GFOD2: variants seen among roughly 807,000 people sequenced by gnomAD.
The protein encoded by GFOD2 is glucose-fructose oxidoreductase domain-containing protein 2.
A neutral mutation model predicts 24.6 loss-of-function variants in GFOD2; 9 were observed. That is an observed-to-expected ratio of 0.37 (90% CI 0.22 to 0.64). The LOEUF (loss-of-function observed/expected upper bound fraction) is 0.64. Ranked by LOEUF, GFOD2 falls within the 30% of genes least tolerant of loss-of-function variation. The pLI is 0.65. For missense variants in GFOD2, 476 were observed against 532.5 expected, an observed-to-expected ratio of 0.89 and a Z score of 1.04; for synonymous variants, 211 against 224.8, an observed-to-expected ratio of 0.94 and a Z score of 0.55.
chr16:67,700,498 G>A (rs1358451841), intron 1 of GFOD2, among the ~76,000 whole-genome samples: 1 of 152,180 alleles, frequency 6.6e-6, no homozygotes, highest in Non-Finnish European at 1.5e-5. Flanking sequence ...GCTCACCTGA[G>A]GTCAGGAGTT....
chr16:67,680,997 C>T (rs1176320441), intron 2 of GFOD2: 12 of 985,294 alleles, frequency 1.2e-5, no homozygotes, highest in East Asian at 1.1e-4. Context: ...GCACGGGGCC[C>T]GGCAGGGAGA....
chr16:67,676,162 ATTT>A, intron 2 of GFOD2, 109 bp from the exon 3 acceptor site: 4 of 1,107,954 alleles, frequency 3.6e-6, no homozygotes, highest in Non-Finnish European at 3.8e-6. Flanking sequence ...GCACGAACTA[ATTT>A]TTTTTTCTTT....
chr16:67,678,618 A>T (rs1343084472), intron 2 of GFOD2, among the ~76,000 whole-genome samples: 1 of 152,198 alleles, frequency 6.6e-6, no homozygotes, highest in Admixed American at 6.5e-5. Context: ...CCTGTGCTCA[A>T]ATCTTGGCTC....
chr16:67,712,302 T>C (rs867798661), intron 1 of GFOD2, among the ~76,000 whole-genome samples: 721 of 70,382 alleles, frequency 0.01, 6 homozygotes, highest in African/African-American at 0.037. Context: ...CCTCCCCCTC[T>C]CCCTCTCCCT....
chr16:67,683,118 G>T, intron 2 of GFOD2: 1 of 743,812 alleles, frequency 1.3e-6, no homozygotes, highest in Non-Finnish European at 1.6e-6. Context: ...GTGCCACCAT[G>T]CCTGGCTAAT....
chr16:67,698,748 G>C (rs2053376965), intron 1 of GFOD2, among the ~76,000 whole-genome samples: 2 of 152,226 alleles, frequency 1.3e-5, no homozygotes, highest in Non-Finnish European at 1.5e-5. Context: ...CGAAGTGTTG[G>C]GATTACAGGC....
chr16:67,702,608 T>G (rs1226955839), intron 1 of GFOD2, among the ~76,000 whole-genome samples: 1 of 139,846 alleles, frequency 7.2e-6, no homozygotes, highest in African/African-American at 3.0e-5. Context: ...TTTTTTTTTT[T>G]TTTTTTTTTG....
chr16:67,718,483 T>G (rs1040088809), intron 1 of GFOD2, among the ~76,000 whole-genome samples: 3 of 152,254 alleles, frequency 2.0e-5, no homozygotes. Context: ...CTCATGTCCC[T>G]GTCCACTCTT....
At position 67,691,517 on chromosome 16, in the gene GFOD2, CAA is replaced by C. The variant is rs571514888; in HGVS notation, c.-87-5717_-87-5716del. Among the ~76,000 whole-genome samples the C allele has an allele frequency of 3.5e-3, 495 of 139,934 alleles. 23 individuals carry two copies. In the South Asian group the frequency reaches 0.084, roughly 24 times the overall value. 91.8% of individuals were successfully genotyped at this position (139,934 alleles called of 152,430 possible). On this transcript the variant is annotated intron_variant, in intron 1 of 2. Coordinates refer to ENST00000268797, the MANE Select transcript of GFOD2 (RefSeq NM_030819.4). ...GTCACACTGTGCCTAGACCCCCCCCCAAAAAAAAAAAAATTAAGACTCTGCGG... is the reference window on the plus strand; with the variant it reads ...GTCACACTGTGCCTAGACCCCCCCCCAAAAAAAAAAATTAAGACTCTGCGG...
chr16:67,702,301 C>T (rs750455824), intron 1 of GFOD2, among the ~76,000 whole-genome samples: 24 of 152,076 alleles, frequency 1.6e-4, no homozygotes, highest in South Asian at 1.0e-3. Flanking sequence ...ATGTGAAACA[C>T]TGTCTCTGCT....
intron 2 of GFOD2, chr16:67,685,034 CA>C (rs757527655): frequency 8.1e-5 from 89 of 1,099,420 alleles, no homozygotes; most frequent in Non-Finnish European, 9.4e-5. Flanking sequence ...CAAACGCTGA[CA>C]AAACATGGGA....
intron 1 of GFOD2, among the ~76,000 whole-genome samples, chr16:67,689,662 C>T (rs2053296318): frequency 6.6e-6 from 1 of 151,924 alleles, no homozygotes; most frequent in African/African-American, 2.4e-5. Context: ...CAGAGCAAGA[C>T]TGTCTCAAAT....
intron 2 of GFOD2, chr16:67,677,124 C>T (rs2053189685): frequency 1.3e-5 from 2 of 152,328 alleles, no homozygotes; most frequent in Non-Finnish European, 2.9e-5. Flanking sequence ...CTCCAATGTG[C>T]AATAGCTTCT....
chr16:67,686,244 A>G (rs745991862), intron 1 of GFOD2, among the ~76,000 whole-genome samples: 1 of 152,190 alleles, frequency 6.6e-6, no homozygotes, highest in Non-Finnish European at 1.5e-5. Context: ...TGATTGTGCT[A>G]CTGCACTCCA....
intron 1 of GFOD2, among the ~76,000 whole-genome samples, chr16:67,691,975 A>G (rs2053317524): frequency 6.6e-6 from 1 of 152,112 alleles, no homozygotes; most frequent in Non-Finnish European, 1.5e-5. Context: ...GGCCTTATAT[A>G]TAATTAAAAC....
intron 2 of GFOD2, chr16:67,683,638 GAC>G (rs1244484131): frequency 8.1e-7 from 1 of 1,231,554 alleles, no homozygotes; most frequent in Non-Finnish European, 1.0e-6. Flanking sequence ...TTGACAACCG[GAC>G]AGACTGAAGT....
intron 1 of GFOD2, among the ~76,000 whole-genome samples, chr16:67,698,875 T>A (rs552388641): frequency 2.6e-5 from 4 of 152,052 alleles, no homozygotes; most frequent in African/African-American, 9.6e-5. Flanking sequence ...AAGTAAGACA[T>A]AAGGAGGGTC....
At position 67,675,719 on chromosome 16, in the gene GFOD2, G is replaced by A. The variant is rs138236341; in HGVS notation, c.594C>T (p.His198=). 1.4e-4 allele frequency: 228 copies of A among 1,613,962 alleles called. 2 individuals are homozygous for A. The African/African-American group carries it at 2.2e-3, about 16-fold the overall frequency. ...GCCTCACGAATGTCTTGAGCAGCCCGTGCACCTTCTCGGCTCTCCGGCCGG... is the reference window on the plus strand; with the variant it reads ...GCCTCACGAATGTCTTGAGCAGCCCATGCACCTTCTCGGCTCTCCGGCCGG... ...HLTGRRAEKV[H]GLLKTFVRQN... is the part of the protein sequence containing the mutation. Residue 198 remains histidine (H), a synonymous_variant, in exon 3 of 3, where the codon CAC becomes CAT. Transcript: ENST00000268797.
chr16:67,707,312 C>G (rs1230568520), intron 1 of GFOD2, among the ~76,000 whole-genome samples: 2 of 150,080 alleles, frequency 1.3e-5, no homozygotes, highest in Admixed American at 1.3e-4. Context: ...GAGTGAAGAT[C>G]GCGCCATTGC....
Sources: gnomAD v4.1 joint callset for allele counts (sites outside exome capture counted in the v4.1 genomes callset) on GRCh38, gnomAD v4.1.1 for gene constraint, MANE v1.5 for transcripts, NCBI Gene and HGNC (gene_info 2026-07-23, HGNC 2026-07-21) for gene names.